OR9A4: variants seen among roughly 807,000 people sequenced by gnomAD.
OR9A4 encodes olfactory receptor family 9 subfamily A member 4.
In OR9A4, 16 loss-of-function variants were observed where a neutral mutation model predicts 17.1. The ratio of observed to expected loss-of-function variants is 0.94; its 90% CI spans 0.64 to 1.43. The LOEUF is 1.43. Ranked by LOEUF, OR9A4 falls within the 40% of genes most tolerant of loss-of-function variation. The pLI is 0.00. For synonymous variants in OR9A4, 167 were observed against 143.3 expected (o/e 1.17, Z -1.18); for missense variants, 392 against 382.1 (o/e 1.03, Z -0.22).
At chr7:141,916,832 G>T (rs1802192974) in intron 1 of OR9A4, among the ~76,000 whole-genome samples, 196 bp downstream of exon 1, 1 of 152,138 alleles carries the variant, frequency 6.6e-6, no homozygotes. Flanking sequence ...TTTCTTCTCT[G>T]CCCTATGCTG....
In OR9A4 at chr7:141,920,131, TA is replaced by T. The variant is rs1303760177; in HGVS notation, c.*312del. On this transcript the variant is annotated 3_prime_UTR_variant, in exon 2 of 2. Coordinates refer to ENST00000641559, the MANE Select transcript of OR9A4 (RefSeq NM_001001656.3). Reference sequence around the variant, plus strand: ...TCAGAGATAGACTATCTATATAGTCTAGAAAATAGACTAGTGGTTGCTTAGG... The same window carrying T: ...TCAGAGATAGACTATCTATATAGTCTGAAAATAGACTAGTGGTTGCTTAGG... 1.4e-5 allele frequency: 3 copies of T among 220,382 alleles called. No individual in the cohort carries two copies. In the Admixed American group the frequency reaches 1.5e-4, roughly 11 times the overall value. 13.7% of individuals were successfully genotyped at this position (220,382 alleles called of 1,614,324 possible).
At position 141,920,430 on chromosome 7, in the gene OR9A4, G is replaced by A. The variant is rs1554439237; in HGVS notation, c.*610G>A. 1 of 152,472 alleles carries A rather than the reference G, an allele frequency of 6.6e-6. No homozygotes were observed. The highest frequency in any genetic ancestry group is 1.5e-5 in the Non-Finnish European group (1 of 68,050). The allele number at this position is 152,472 out of a possible 1,614,324, so 9.4% of individuals were successfully genotyped here. A position where few individuals can be genotyped will look rare whatever the true frequency, so the allele number is the denominator to read the frequency against. On this transcript the variant is annotated 3_prime_UTR_variant, in exon 2 of 2. Transcript: ENST00000641559. Reference sequence around the variant, plus strand: ...AATTTCAAATAAGGTTTTCAGGGAAGGATTGAGAGAGGTAAGGTGGTGATA... The same window carrying A: ...AATTTCAAATAAGGTTTTCAGGGAAAGATTGAGAGAGGTAAGGTGGTGATA...
chr7:141,918,788 C>T, intron 1 of OR9A4, 58 bp from the exon 2 acceptor site: 2 of 1,002,182 alleles, frequency 2.0e-6, no homozygotes, highest in South Asian at 3.3e-5. Flanking sequence ...TTTTTTCAAC[C>T]TGAAATGTCC....
intron 1 of OR9A4, among the ~76,000 whole-genome samples, chr7:141,918,106 G>C (rs1554438913): frequency 6.6e-6 from 1 of 152,180 alleles, no homozygotes; most frequent in Admixed American, 6.5e-5. Context: ...AAGTAACCAT[G>C]CCTGTGTGAG....
rs1802189228 is a variant in OR9A4, at chr7:141,916,543, C to G, written c.-124C>G. The G allele has an allele frequency of 6.6e-6, 1 of 152,284 alleles. No individual in the cohort carries two copies. Among genetic ancestry groups the G allele is most frequent in the Non-Finnish European group, 1.5e-5 (1 of 68,076 alleles). The allele number at this position is 152,284 out of a possible 1,614,324, so 9.4% of individuals were successfully genotyped here. ...GAGACAGAAGCAGCTGTTCCTGTCTCCTGAGCATAGCTCAGCACTAGGTGA... is the reference window on the plus strand; with the variant it reads ...GAGACAGAAGCAGCTGTTCCTGTCTGCTGAGCATAGCTCAGCACTAGGTGA... On this transcript the variant is annotated 5_prime_UTR_variant, in exon 1 of 2. Coordinates refer to ENST00000641559, the MANE Select transcript of OR9A4 (RefSeq NM_001001656.3).
rs781841371 is a variant in OR9A4 at position 141,919,103 on chromosome 7, C to T, written c.228C>T (p.Ile76=). ...SALEILVTTI[I]VPVMLWGLLL... The stretch of plus-strand genomic sequence containing the variant: ...TGGAGATCCTGGTCACAACCATAAT[C>T]GTCCCCGTGATGCTTTGGGGATTGC... Residue 76 remains isoleucine (I), a synonymous_variant, in exon 2 of 2, where the codon ATC becomes ATT. Coordinates refer to ENST00000641559, the MANE Select transcript of OR9A4 (RefSeq NM_001001656.3). 3.1e-6 allele frequency: 5 copies of T among 1,614,106 alleles called. No homozygotes were observed. The highest frequency in any genetic ancestry group is 2.2e-5 in the East Asian group (1 of 44,886).
chr7:141,919,724 T>C lies in OR9A4; in HGVS notation c.849T>C (p.Pro283=). 1 of 1,614,210 alleles carries C rather than the reference T, an allele frequency of 6.2e-7. No individual in the cohort carries two copies. The change falls in exon 2 of 2, where the codon CCT becomes CCC. Residue 283 remains proline, a synonymous_variant. Transcript: ENST00000641559. ...CCCTGATGGTTTCAGTAGTAACTCC[T>C]TTCCTCAATCCTTTCATCTTCACCC... ...VVSLMVSVVT[P]FLNPFIFTLR... is the part of the protein sequence containing the mutation.
chr7:141,919,748 C>T lies in OR9A4; in HGVS notation c.873C>T (p.Thr291=), dbSNP rs1025033837. Residue 291 remains threonine, a synonymous_variant, in exon 2 of 2, where the codon ACC becomes ACT. Transcript: ENST00000641559. ...VTPFLNPFIF[T]LRNDKVIEAL... ...CTTTCCTCAATCCTTTCATCTTCACCCTCCGGAATGATAAAGTCATAGAGG... is the reference window on the plus strand; with the variant it reads ...CTTTCCTCAATCCTTTCATCTTCACTCTCCGGAATGATAAAGTCATAGAGG... 3.1e-6 allele frequency: 5 copies of T among 1,614,050 alleles called. No homozygotes were observed. Among genetic ancestry groups the T allele is most frequent in the Admixed American group, 3.3e-5 (2 of 59,992 alleles).
rs1802260924 is a variant in OR9A4 at position 141,920,294 on chromosome 7, G to C, written c.*474G>C. ...TTTCAATGAGTCAACTTTATGGAAT[G>C]TGATTTATATTTCAATAAAGCTTTT... On this transcript the variant is annotated 3_prime_UTR_variant, in exon 2 of 2. Coordinates refer to ENST00000641559, the MANE Select transcript of OR9A4 (RefSeq NM_001001656.3). 6.6e-6 allele frequency: 1 copy of C among 152,494 alleles called. No individual in the cohort carries two copies. Among genetic ancestry groups the C allele is most frequent in the Admixed American group, 6.5e-5 (1 of 15,292 alleles). The allele number at this position is 152,494 out of a possible 1,614,324, so 9.4% of individuals were successfully genotyped here. A position where few individuals can be genotyped will look rare whatever the true frequency, so the allele number is the denominator to read the frequency against.
In OR9A4 at chr7:141,919,308, G is replaced by A. The variant is rs940980602; in HGVS notation, c.433G>A (p.Val145Ile). Residue 145 changes from valine to isoleucine, a missense_variant, in exon 2 of 2, where the codon GTT (valine) becomes ATT (isoleucine). Transcript: ENST00000641559. The part of the protein sequence containing the change: ...IMNRHTCNFV[V>I]LVSWVFGFLF... ...GAACAGACACACCTGCAACTTTGTGGTTCTTGTGTCATGGGTGTTTGGGTT... is the reference window on the plus strand; with the variant it reads ...GAACAGACACACCTGCAACTTTGTGATTCTTGTGTCATGGGTGTTTGGGTT... 6.8e-6 allele frequency: 11 copies of A among 1,614,024 alleles called. No homozygotes were observed. The highest frequency in any genetic ancestry group is 2.2e-5 in the East Asian group (1 of 44,900).
chr7:141,917,564 C>T (rs782669776), intron 1 of OR9A4, among the ~76,000 whole-genome samples: 2 of 152,188 alleles, frequency 1.3e-5, no homozygotes, highest in Non-Finnish European at 2.9e-5. Context: ...ACAGACTTCC[C>T]ATTGGGAGGT....
chr7:141,919,061 C>A lies in OR9A4; in HGVS notation c.186C>A (p.Leu62=). ...KRLQSPMYFF[L]GHLSALEILV... is the part of the protein sequence containing the mutation. ...TGCAGTCCCCCATGTATTTCTTCCT[C>A]GGCCACCTCTCTGCCCTGGAGATCC... The change falls in exon 2 of 2, where the codon CTC becomes CTA. Residue 62 remains leucine, a synonymous_variant. Transcript: ENST00000641559. 2 of 1,614,132 alleles carry A rather than the reference C, an allele frequency of 1.2e-6. No homozygotes were observed. The highest frequency in any genetic ancestry group is 1.7e-6 in the Non-Finnish European group (2 of 1,180,038).
chr7:141,918,510 T>C (rs1216812118), intron 1 of OR9A4, among the ~76,000 whole-genome samples: 1 of 152,088 alleles, frequency 6.6e-6, no homozygotes, highest in African/African-American at 2.4e-5. Context: ...GAGGTGCTGG[T>C]GTAAGTGAAC....
rs1245924853 is a variant in OR9A4 at position 141,920,379 on chromosome 7, G to A, written c.*559G>A. The stretch of plus-strand genomic sequence containing the variant: ...GAAGAAAAGTGAAACAGGAATGAAA[G>A]GGAATATCTCTTGCAGGAGTGTTGA... On this transcript the variant is annotated 3_prime_UTR_variant, in exon 2 of 2. Transcript: ENST00000641559. 2 of 152,278 alleles carry A rather than the reference G, an allele frequency of 1.3e-5. No individual in the cohort carries two copies. Among genetic ancestry groups the A allele is most frequent in the Non-Finnish European group, 2.9e-5 (2 of 68,060 alleles). The allele number at this position is 152,278 out of a possible 1,614,324, so 9.4% of individuals were successfully genotyped here.
At chr7:141,918,743 G>A in intron 1 of OR9A4, 103 bp from the exon 2 acceptor site, 1 of 647,340 alleles carries the variant, frequency 1.5e-6, no homozygotes, top group Non-Finnish European at 2.7e-6. Flanking sequence ...AAATAGTAGA[G>A]TCAGGTTATG....
chr7:141,918,330 C>T (rs1035272890), intron 1 of OR9A4, among the ~76,000 whole-genome samples: 21 of 152,208 alleles, frequency 1.4e-4, no homozygotes, highest in African/African-American at 4.8e-4. Flanking sequence ...TGGTCTCAAA[C>T]TCCTGACCTG....
intron 1 of OR9A4, among the ~76,000 whole-genome samples, chr7:141,918,385 G>A (rs969846355): frequency 2.0e-5 from 3 of 152,182 alleles, no homozygotes; most frequent in Admixed American, 6.5e-5. Flanking sequence ...GATTACAAGC[G>A]TGAGCCACCG....
At position 141,919,459 on chromosome 7, in the gene OR9A4, C is replaced by A. The variant is rs369571264; in HGVS notation, c.584C>A (p.Thr195Lys). 2 of 1,614,066 alleles carry A rather than the reference C, an allele frequency of 1.2e-6. No homozygotes were observed. Among genetic ancestry groups the A allele is most frequent in the African/African-American group, 1.3e-5 (1 of 74,928 alleles). Residue 195 changes from threonine (T) to lysine (K), a missense_variant, in exon 2 of 2, where the codon ACG becomes AAG. By Grantham distance (78) the Thr-to-Lys change is moderately conservative. Coordinates refer to ENST00000641559, the MANE Select transcript of OR9A4 (RefSeq NM_001001656.3). The stretch of plus-strand genomic sequence containing the variant: ...CTATCCTGCAATAATACTCTTTTCA[C>A]GGAGTTTATCCTCTTCTTAATGGCT... ...LKLSCNNTLF[T>K]EFILFLMAVF...
rs1802262012 is a variant in OR9A4, at chr7:141,920,382, A to G, written c.*562A>G. 1 of 152,326 alleles carries G rather than the reference A, an allele frequency of 6.6e-6. No individual in the cohort carries two copies. Among genetic ancestry groups the G allele is most frequent in the African/African-American group, 2.4e-5 (1 of 41,434 alleles). 9.4% of individuals were successfully genotyped at this position (152,326 alleles called of 1,614,324 possible). On this transcript the variant is annotated 3_prime_UTR_variant, in exon 2 of 2. Coordinates refer to ENST00000641559, the MANE Select transcript of OR9A4 (RefSeq NM_001001656.3). ...GAAAAGTGAAACAGGAATGAAAGGG[A>G]ATATCTCTTGCAGGAGTGTTGAAAT...
Sources: allele counts gnomAD v4.1 joint callset (sites outside exome capture counted in the v4.1 genomes callset), GRCh38; gene constraint gnomAD v4.1.1; transcripts MANE v1.5; gene names NCBI Gene and HGNC (gene_info 2026-07-23, HGNC 2026-07-21).